KIAA0319: variants seen among roughly 807,000 people sequenced by gnomAD.
The protein encoded by KIAA0319 is dyslexia-associated protein KIAA0319.
KIAA0319 carries 83 observed loss-of-function variants against 108.4 expected under a neutral mutation model. The observed-to-expected ratio is 0.77, with a 90% CI of 0.64 to 0.92. The LOEUF (loss-of-function observed/expected upper bound fraction) is 0.92. Ranked by LOEUF, KIAA0319 falls within the 40% of genes least tolerant of loss-of-function variation. KIAA0319 has a pLI of 0.00. For synonymous variants in KIAA0319, 484 were observed against 510.4 expected (o/e 0.95, Z 0.70); for missense variants, 1,195 against 1,322.4 (o/e 0.90, Z 1.49).
intron 1 of KIAA0319, among the ~76,000 whole-genome samples, chr6:24,640,687 C>A (rs902701230): frequency 5.9e-5 from 9 of 152,082 alleles, no homozygotes; most frequent in African/African-American, 1.9e-4. Context: ...GGGTCTTGTT[C>A]TGTTGCCCAG....
At chr6:24,577,269 C>A (rs887168698) in intron 9 of KIAA0319, among the ~76,000 whole-genome samples, 6 of 152,182 alleles carry the variant, frequency 3.9e-5, no homozygotes, top group African/African-American at 1.4e-4. Flanking sequence ...GTTCTGCCTG[C>A]AGGTTGAGCA....
At chr6:24,612,434 G>C (rs377676845) in intron 1 of KIAA0319, among the ~76,000 whole-genome samples, 3 of 152,162 alleles carry the variant, frequency 2.0e-5, no homozygotes, top group Non-Finnish European at 4.4e-5. Flanking sequence ...CTGGGTGACA[G>C]AGTGAGACCC....
intron 2 of KIAA0319, among the ~76,000 whole-genome samples, chr6:24,600,055 G>A (rs1241633109): frequency 6.7e-6 from 1 of 150,054 alleles, no homozygotes; most frequent in African/African-American, 2.5e-5. Flanking sequence ...AGGAAGATGA[G>A]CAAATTGCAA....
intron 1 of KIAA0319, among the ~76,000 whole-genome samples, chr6:24,644,133 C>T (rs1309045764): frequency 2.0e-5 from 3 of 152,160 alleles, no homozygotes. Context: ...CTCTGGGCTT[C>T]GGTTTCCTTC....
At chr6:24,609,522 C>T (rs1366127587) in intron 1 of KIAA0319, among the ~76,000 whole-genome samples, 3 of 149,944 alleles carry the variant, frequency 2.0e-5, no homozygotes, top group African/African-American at 7.4e-5. Context: ...GTTGCAGTGA[C>T]CCAAGATCAC....
chr6:24,551,427 G>A lies in KIAA0319; in HGVS notation c.3040+7C>T. The A allele has an allele frequency of 6.3e-7, 1 of 1,588,274 alleles. No individual in the cohort carries two copies. The highest frequency in any genetic ancestry group is 8.6e-7 in the Non-Finnish European group (1 of 1,156,252). ...GTGCCAGGCAGTCATTCTGCAGACT[G>A]TCTTACCATATTTGGGCCTCAGTTC... On this transcript the variant is annotated splice_region_variant and intron_variant, in intron 20 of 20. Transcript: ENST00000378214.
intron 2 of KIAA0319, among the ~76,000 whole-genome samples, chr6:24,597,285 T>C (rs531675448): frequency 3.9e-5 from 6 of 152,350 alleles, no homozygotes; most frequent in Non-Finnish European, 8.8e-5. Context: ...CACAGGCTAT[T>C]TTAATGGTGG....
At chr6:24,629,530 A>AAAAAAAAAAAC in intron 1 of KIAA0319, among the ~76,000 whole-genome samples, 1 of 148,658 alleles carries the variant, frequency 6.7e-6, no homozygotes, top group Admixed American at 6.7e-5. Flanking sequence ...AAAAAAAAAA[A>AAAAAAAAAAAC]AGAAAGAAAA....
chr6:24,573,419 G>T (rs1210790300), intron 10 of KIAA0319, among the ~76,000 whole-genome samples: 2 of 152,130 alleles, frequency 1.3e-5, no homozygotes, highest in African/African-American at 2.4e-5. Context: ...ACTGTGGAAT[G>T]CTAGTTTAAA....
chr6:24,570,051 C>T lies in KIAA0319; in HGVS notation c.1859-16G>A, dbSNP rs1285388847. On this transcript the variant is annotated splice_polypyrimidine_tract_variant and intron_variant, in intron 11 of 20. Transcript: ENST00000378214. ...CTATTGTTTTCTGGAATTACAGAAA[C>T]AGTGTGAAAAAGTATTATCTCTTTG... 1 of 1,611,246 alleles carries T rather than the reference C, an allele frequency of 6.2e-7. No individual in the cohort carries two copies. Among genetic ancestry groups the T allele is most frequent in the African/African-American group, 1.3e-5 (1 of 74,786 alleles).
chr6:24,542,520 G>A (rs537071498), downstream of KIAA0319, among the ~76,000 whole-genome samples: 2 of 152,290 alleles, frequency 1.3e-5, no homozygotes, highest in South Asian at 4.1e-4. Flanking sequence ...ACTTGAGCCA[G>A]GAATTTTTGA....
rs554137598 is a variant in KIAA0319 at position 24,544,782 on chromosome 6, A to C, written c.*2383T>G. ...GATCCTCAATGATAAGCAGTCCACC[A>C]TGAAGAATGCTGGTTGGTCATTCCA... On this transcript the variant is annotated 3_prime_UTR_variant, in exon 21 of 21. Transcript: ENST00000378214. 6.6e-6 allele frequency: 1 copy of C among 152,234 alleles called. No homozygotes were observed. The allele number at this position is 152,234 out of a possible 1,614,324, so 9.4% of individuals were successfully genotyped here.
At chr6:24,563,071 C>T (rs1283395511) in intron 16 of KIAA0319, among the ~76,000 whole-genome samples, 1 of 152,130 alleles carries the variant, frequency 6.6e-6, no homozygotes, top group African/African-American at 2.4e-5. Flanking sequence ...GACCCCTTGC[C>T]CAGCTCTGAA....
intron 1 of KIAA0319, among the ~76,000 whole-genome samples, chr6:24,616,337 C>T (rs1296555264): frequency 6.6e-6 from 1 of 152,122 alleles, no homozygotes; most frequent in African/African-American, 2.4e-5. Context: ...AAGTTTCTTA[C>T]TGGAGTATGA....
Position 24,579,887 on chromosome 6 carries a change from G to C in KIAA0319, c.1343C>G (p.Pro448Arg). Residue 448 changes from proline (P) to arginine (R), a missense_variant, in exon 8 of 21, where the codon CCT becomes CGT. Physicochemically the swap from Pro to Arg is moderately radical, Grantham distance 103 (BLOSUM62 -2). Transcript: ENST00000378214. ...VSPQLQELTL[P>R]LTSALIDGSQ... ...GCCATCAATGAGGGCTGACGTCAAA[G>C]GCAAAGTGAGCTCTTGCAGTTGGGG... 1 of 1,604,764 alleles carries C rather than the reference G, an allele frequency of 6.2e-7. No individual in the cohort carries two copies. The highest frequency in any genetic ancestry group is 8.5e-7 in the Non-Finnish European group (1 of 1,175,168).
intron 1 of KIAA0319, among the ~76,000 whole-genome samples, chr6:24,605,865 A>T (rs1771327078): frequency 6.6e-6 from 1 of 152,214 alleles, no homozygotes; most frequent in Non-Finnish European, 1.5e-5. Flanking sequence ...ATTTTTATAG[A>T]AGACAGTTAT....
chr6:24,563,237 G>A, intron 16 of KIAA0319, 122 bp downstream of exon 16: 2 of 1,111,116 alleles, frequency 1.8e-6, no homozygotes. Flanking sequence ...ATATGAATGG[G>A]ATAAAAGTGT....
At chr6:24,557,724 G>C (rs1054795315) in intron 17 of KIAA0319, among the ~76,000 whole-genome samples, 2 of 151,640 alleles carry the variant, frequency 1.3e-5, no homozygotes, top group African/African-American at 4.8e-5. Flanking sequence ...TTTTATTGAA[G>C]AGAAATTTTA....
At chr6:24,563,587 G>T in intron 15 of KIAA0319, 69 bp from the exon 16 acceptor site, 1 of 1,423,202 alleles carries the variant, frequency 7.0e-7, no homozygotes, top group Non-Finnish European at 9.4e-7. Context: ...AAGGAGCGAG[G>T]TTTCTATAGG....
Sources: gnomAD v4.1 joint callset for allele counts (sites outside exome capture counted in the v4.1 genomes callset) on GRCh38, gnomAD v4.1.1 for gene constraint, MANE v1.5 for transcripts, NCBI Gene and HGNC (gene_info 2026-07-23, HGNC 2026-07-21) for gene names.